Variants in SKI observed in about 807,000 individuals in gnomAD.
The protein encoded by SKI is SKI proto-oncogene, also known as ski oncogene.
SKI carries 23 observed loss-of-function variants against 59.3 expected under a neutral mutation model. The observed-to-expected ratio is 0.39, with a 90% CI of 0.28 to 0.55. The LOEUF (loss-of-function observed/expected upper bound fraction) is 0.55, where lower values mean the gene tolerates loss of function less well. SKI is among the 20% of genes least tolerant of loss of function. SKI has a pLI of 0.67. For missense variants in SKI, 1,017 were observed against 1,038.9 expected (o/e 0.98, Z 0.29); for synonymous variants, 673 against 488.6 (o/e 1.38, Z -4.98).
intron 1 of SKI, among the ~76,000 whole-genome samples, chr1:2,296,774 C>T (rs897436086): frequency 2.6e-5 from 4 of 152,070 alleles, no homozygotes; most frequent in Non-Finnish European, 4.4e-5. Flanking sequence ...GTTCCTTGTG[C>T]TTTGGTGTCA....
chr1:2,288,146 G>T (rs573753178), intron 1 of SKI, among the ~76,000 whole-genome samples: 2 of 152,008 alleles, frequency 1.3e-5, no homozygotes, highest in Non-Finnish European at 1.5e-5. Context: ...GTGCCACCAC[G>T]CCTGGCTAAT....
In SKI at chr1:2,228,908, A is replaced by C. The variant is rs946543006; in HGVS notation, c.142A>C (p.Lys48Gln). Residue 48 changes from lysine to glutamine, a missense_variant, in exon 1 of 7, where the codon AAG (lysine) becomes CAG (glutamine). Lys to Gln is a moderately conservative substitution (Grantham distance 53). Coordinates refer to ENST00000378536, the MANE Select transcript of SKI (RefSeq NM_003036.4). ...FSARWAQEAY[K>Q]KESAKEAGAA... ...GGCGCGCTGGGCGCAGGAGGCCTAC[A>C]AGAAGGAGAGCGCCAAGGAGGCGGG... 20 of 1,411,188 alleles carry C rather than the reference A, an allele frequency of 1.4e-5. No homozygotes were observed. Among genetic ancestry groups the C allele is most frequent in the Non-Finnish European group, 1.9e-5 (20 of 1,077,282 alleles). The allele number at this position is 1,411,188 out of a possible 1,614,324, so 87.4% of individuals were successfully genotyped here.
chr1:2,237,888 G>A (rs1391569419), intron 1 of SKI, among the ~76,000 whole-genome samples: 1 of 152,234 alleles, frequency 6.6e-6, no homozygotes, highest in African/African-American at 2.4e-5. Context: ...CTCTGTGGGA[G>A]GTCTGAGGTT....
rs749783537 is a variant in SKI, at chr1:2,268,075, C to T, written c.970-34903C>T. Among the ~76,000 whole-genome samples the T allele has an allele frequency of 4.6e-5, 7 of 152,204 alleles. No homozygotes were observed. The highest frequency in any genetic ancestry group is 8.8e-5 in the Non-Finnish European group (6 of 68,016). ...GGCCAGGGCACTCCCAACAGCACTG[C>T]GTGGAGCTGGTGCCCACCCCTGTGG... On this transcript the variant is annotated intron_variant, in intron 1 of 6. Transcript: ENST00000378536. This position sits in a 1 kb window ranked among gnomAD's most constrained non-coding sequence, Gnocchi z 5.0.
In SKI at chr1:2,268,483, C is replaced by T. The variant is rs907714978; in HGVS notation, c.970-34495C>T. Among the ~76,000 whole-genome samples the T allele has an allele frequency of 6.6e-6, 1 of 152,124 alleles. No homozygotes were observed. Among genetic ancestry groups the T allele is most frequent in the Non-Finnish European group, 1.5e-5 (1 of 68,000 alleles). On this transcript the variant is annotated intron_variant, in intron 1 of 6. Coordinates refer to ENST00000378536, the MANE Select transcript of SKI (RefSeq NM_003036.4). This position sits in a 1 kb window ranked among gnomAD's most constrained non-coding sequence, Gnocchi z 5.0. ...AGGTGCCCGGGGGCTCATAAGCCAC[C>T]TTGGGGTATGTCTGGGTGCATGGGG... is the stretch of plus-strand genomic sequence containing the variant.
At position 2,303,992 on chromosome 1, in the gene SKI, G is replaced by A. The variant is rs762016582; in HGVS notation, c.1364G>A (p.Arg455Gln). Residue 455 changes from arginine to glutamine, a missense_variant, in exon 4 of 7, where the codon CGG (arginine) becomes CAG (glutamine). Physicochemically the swap from Arg to Gln is conservative, Grantham distance 43 (BLOSUM62 1). Coordinates refer to ENST00000378536, the MANE Select transcript of SKI (RefSeq NM_003036.4). The surrounding 1 kb of genome is among the most constrained non-coding windows in gnomAD (Gnocchi z 5.6). Reference sequence around the variant, plus strand: ...GCCACTTGCACCCAGCCTCGGAAGCGGAAGCTGACTGTGGACACCCCAGGA... The same window carrying A: ...GCCACTTGCACCCAGCCTCGGAAGCAGAAGCTGACTGTGGACACCCCAGGA... ...PLATCTQPRK[R>Q]KLTVDTPGAP... The A allele has an allele frequency of 1.9e-6, 3 of 1,612,508 alleles. No homozygotes were observed. Among genetic ancestry groups the A allele is most frequent in the African/African-American group, 1.3e-5 (1 of 75,058 alleles).
At chr1:2,285,953 A>G (rs1640032429) in intron 1 of SKI, among the ~76,000 whole-genome samples, 1 of 141,274 alleles carries the variant, frequency 7.1e-6, no homozygotes, top group Non-Finnish European at 1.5e-5. Context: ...GGCTCACTGC[A>G]AGCTCTGCCT....
In SKI at chr1:2,306,810, G is replaced by T. The variant is rs559655649; in HGVS notation, c.*45G>T. ...AGCGCCGCCGACAACGCGGGTGCAGGGGGGCGCGGCTGGGCGGTGCAGCTC... is the reference window on the plus strand; with the variant it reads ...AGCGCCGCCGACAACGCGGGTGCAGTGGGGCGCGGCTGGGCGGTGCAGCTC... On this transcript the variant is annotated 3_prime_UTR_variant, in exon 7 of 7. Coordinates refer to ENST00000378536, the MANE Select transcript of SKI (RefSeq NM_003036.4). The T allele has an allele frequency of 2.7e-5, 37 of 1,386,436 alleles. No individual in the cohort carries two copies. The highest frequency in any genetic ancestry group is 5.3e-4 in the Middle Eastern group (2 of 3,790). The allele number at this position is 1,386,436 out of a possible 1,614,324, so 85.9% of individuals were successfully genotyped here. A position where few individuals can be genotyped will look rare whatever the true frequency, so the allele number is the denominator to read the frequency against.
chr1:2,251,790 C>T (rs908588543), intron 1 of SKI, among the ~76,000 whole-genome samples: 1 of 152,234 alleles, frequency 6.6e-6, no homozygotes, highest in Non-Finnish European at 1.5e-5. Context: ...GTATTTCTTT[C>T]CTCGTGAATG....
At chr1:2,230,851 G>T (rs1638620660) in intron 1 of SKI, among the ~76,000 whole-genome samples, 1 of 152,192 alleles carries the variant, frequency 6.6e-6, no homozygotes, top group African/African-American at 2.4e-5. Flanking sequence ...AGATGCTCCA[G>T]CCCGGTTTTC....
At chr1:2,296,345 G>A (rs1245450432) in intron 1 of SKI, among the ~76,000 whole-genome samples, 1 of 152,174 alleles carries the variant, frequency 6.6e-6, no homozygotes, top group Non-Finnish European at 1.5e-5. Flanking sequence ...GCAGTGAGCT[G>A]AGATCGTGCC....
intron 5 of SKI, 143 bp downstream of exon 5, chr1:2,304,728 T>G: frequency 7.3e-7 from 1 of 1,372,948 alleles, no homozygotes; most frequent in Non-Finnish European, 9.6e-7. Flanking sequence ...TGGGCCTGCC[T>G]GGGACCTTGG....
rs566595813 is a variant in SKI at position 2,298,149 on chromosome 1, T to C, written c.970-4829T>C. Among the ~76,000 whole-genome samples the C allele has an allele frequency of 3.9e-5, 6 of 152,284 alleles. No homozygotes were observed. The East Asian group carries it at 1.2e-3, about 29-fold the overall frequency. On this transcript the variant is annotated intron_variant, in intron 1 of 6. Transcript: ENST00000378536. ...GCTCTGCCACTGTGCGTTGTTCACA[T>C]GTGAAGCCGGCGTCACAAAGGCCTC...
rs763316588 is a variant in SKI at position 2,229,093 on chromosome 1, C to T, written c.327C>T (p.Thr109=). 6.2e-7 allele frequency: 1 copy of T among 1,609,618 alleles called. No homozygotes were observed. ...GCGAGACCGTACTGGAAGGCGAGAC[C>T]ATCTCGTGCTTCGTGGTGGGAGGCG... The part of the protein sequence containing the change: ...ERCETVLEGE[T]ISCFVVGGEK... Residue 109 remains threonine (T), a synonymous_variant, in exon 1 of 7, where the codon ACC becomes ACT. Transcript: ENST00000378536. The surrounding 1 kb of genome is among the most constrained non-coding windows in gnomAD (Gnocchi z 6.3).
chr1:2,246,464 G>A (rs546073296), intron 1 of SKI, among the ~76,000 whole-genome samples: 34 of 152,212 alleles, frequency 2.2e-4, no homozygotes, highest in Non-Finnish European at 3.8e-4. Context: ...TGTCTACTGC[G>A]TGCACCGTGG....
chr1:2,280,232 C>T (rs574525477), intron 1 of SKI, among the ~76,000 whole-genome samples: 3 of 151,982 alleles, frequency 2.0e-5, no homozygotes, highest in East Asian at 3.9e-4. Flanking sequence ...AAAAATTAGC[C>T]GGCATTGTGG....
rs577870674 is a variant in SKI, at chr1:2,264,093, A to G, written c.969+34358A>G. Among the ~76,000 whole-genome samples the G allele has an allele frequency of 2.0e-5, 3 of 152,196 alleles. No homozygotes were observed. The South Asian group carries it at 6.2e-4, about 32-fold the overall frequency. On this transcript the variant is annotated intron_variant, in intron 1 of 6. Coordinates refer to ENST00000378536, the MANE Select transcript of SKI (RefSeq NM_003036.4). ...GTTTTTTGTGGGAAGATTTTTAGCT[A>G]TATAGACTATTCAGTTTATCTGTTC...
intron 1 of SKI, among the ~76,000 whole-genome samples, chr1:2,241,949 CTG>C (rs34969427): frequency 1.2e-3 from 178 of 149,988 alleles, no homozygotes; most frequent in African/African-American, 3.0e-3. Context: ...GCATGCCTGT[CTG>C]TGTGTGTGTG....
intron 1 of SKI, among the ~76,000 whole-genome samples, chr1:2,299,276 C>T (rs1047087800): frequency 5.3e-5 from 8 of 152,056 alleles, no homozygotes; most frequent in African/African-American, 1.4e-4. Flanking sequence ...CACGGGCAGG[C>T]GGGGCAGCAG....
Sources: allele counts gnomAD v4.1 joint callset (sites outside exome capture counted in the v4.1 genomes callset), GRCh38; gene constraint gnomAD v4.1.1; non-coding constraint Gnocchi (gnomAD v3.1); transcripts MANE v1.5; gene names NCBI Gene and HGNC (gene_info 2026-07-23, HGNC 2026-07-21).